Variants in FARS2 observed in about 807,000 individuals in gnomAD.
FARS2 encodes the protein phenylalanine--tRNA ligase, mitochondrial.
A neutral mutation model predicts 46.4 loss-of-function variants in FARS2; 40 were observed. The ratio of observed to expected loss-of-function variants is 0.86; its 90% CI spans 0.67 to 1.12. FARS2 has a LOEUF of 1.12. Among genes scored for constraint, FARS2 ranks in the 50% most tolerant of loss-of-function variants. FARS2 has a pLI of 0.00. For missense variants in FARS2, 513 were observed against 567.9 expected (o/e 0.90, Z 0.98); for synonymous variants, 234 against 214.9 (o/e 1.09, Z -0.78).
chr6:5,664,065 T>G (rs1196290553), intron 6 of FARS2, among the ~76,000 whole-genome samples: 5 of 152,234 alleles, frequency 3.3e-5, no homozygotes, highest in Non-Finnish European at 5.9e-5. Context: ...AGCTCTGCAG[T>G]GAAAGTGCAA....
intron 4 of FARS2, among the ~76,000 whole-genome samples, chr6:5,438,244 CCG>C (rs1395454615): frequency 4.5e-4 from 5 of 11,064 alleles, no homozygotes; most frequent in Non-Finnish European, 5.5e-4. Context: ...TACCCACCCC[CCG>C]CCCCCCCCCC....
intron 6 of FARS2, among the ~76,000 whole-genome samples, chr6:5,644,877 G>T (rs1283705697): frequency 6.6e-6 from 1 of 152,218 alleles, no homozygotes; most frequent in Non-Finnish European, 1.5e-5. Context: ...TAGAGCAGTT[G>T]TTCTCTGGAT....
intron 5 of FARS2, among the ~76,000 whole-genome samples, chr6:5,612,677 G>A (rs1176452426): frequency 6.6e-6 from 1 of 152,046 alleles, no homozygotes; most frequent in Non-Finnish European, 1.5e-5. Flanking sequence ...ATTCCCCAAG[G>A]AACTACTTAT....
chr6:5,292,155 A>G (rs913704676), intron 1 of FARS2, among the ~76,000 whole-genome samples: 1 of 152,190 alleles, frequency 6.6e-6, no homozygotes, highest in Non-Finnish European at 1.5e-5. Context: ...TGTATGACAC[A>G]TGTGTCTGTA....
At chr6:5,611,921 T>C (rs1775210464) in intron 5 of FARS2, among the ~76,000 whole-genome samples, 1 of 152,238 alleles carries the variant, frequency 6.6e-6, no homozygotes, top group African/African-American at 2.4e-5. Context: ...CTCAGTCTCT[T>C]ATCTCCCTAA....
chr6:5,431,291 G>T, intron 4 of FARS2, 119 bp downstream of exon 4: 1 of 1,007,048 alleles, frequency 9.9e-7, no homozygotes, highest in South Asian at 1.6e-5. Flanking sequence ...GGCATCACTG[G>T]TCTCTCTTCA....
Position 5,496,178 on chromosome 6 carries a change from A to G in FARS2, c.905-49002A>G, listed in dbSNP as rs536311057. ...GGGGGTGGAAGGAGGGTAATACTCC[A>G]TTGAGTACTCTGCTTTTGAATCCGT... On this transcript the variant is annotated intron_variant, in intron 4 of 6. Coordinates refer to ENST00000274680, the MANE Select transcript of FARS2 (RefSeq NM_006567.5). Among the ~76,000 whole-genome samples, 124 of 152,002 alleles carry G rather than the reference A, an allele frequency of 8.2e-4. 1 individual carries two copies. Among genetic ancestry groups the G allele is most frequent in the Admixed American group, 1.3e-3 (20 of 15,270 alleles).
At chr6:5,654,285 C>T (rs1254028252) in intron 6 of FARS2, among the ~76,000 whole-genome samples, 1 of 152,188 alleles carries the variant, frequency 6.6e-6, no homozygotes, top group Non-Finnish European at 1.5e-5. Context: ...TGGGTTTCCT[C>T]CTGGCAGACT....
intron 1 of FARS2, among the ~76,000 whole-genome samples, chr6:5,328,918 C>G (rs115742527): frequency 6.6e-6 from 1 of 152,116 alleles, no homozygotes; most frequent in African/African-American, 2.4e-5. Flanking sequence ...TTTTCATACT[C>G]CTTCCCCAGA....
chr6:5,710,816 A>G (rs1196534182), intron 6 of FARS2, among the ~76,000 whole-genome samples: 3 of 152,214 alleles, frequency 2.0e-5, no homozygotes, highest in Non-Finnish European at 4.4e-5. Flanking sequence ...AAAAAACTCC[A>G]GAAAGGACAG....
intron 5 of FARS2, among the ~76,000 whole-genome samples, chr6:5,577,763 C>A (rs1006589475): frequency 2.7e-5 from 4 of 149,898 alleles, no homozygotes; most frequent in African/African-American, 9.9e-5. Flanking sequence ...AATTGGATTG[C>A]CATTGTATCT....
chr6:5,475,643 C>G (rs960774744), intron 4 of FARS2, among the ~76,000 whole-genome samples: 1 of 152,224 alleles, frequency 6.6e-6, no homozygotes, highest in African/African-American at 2.4e-5. Flanking sequence ...ATAGACCCCT[C>G]TTTACTTCCC....
intron 4 of FARS2, among the ~76,000 whole-genome samples, chr6:5,540,474 C>A (rs973365348): frequency 3.9e-5 from 6 of 152,144 alleles, no homozygotes; most frequent in Non-Finnish European, 7.3e-5. Context: ...ATCGTGTAAA[C>A]TTTGCTTTTC....
At chr6:5,278,906 TCAGGAGG>T (rs1266597030) in intron 1 of FARS2, among the ~76,000 whole-genome samples, 3 of 152,224 alleles carry the variant, frequency 2.0e-5, no homozygotes, top group Non-Finnish European at 4.4e-5. Context: ...TCAGGCATCC[TCAGGAGG>T]CCTTGAGTGC....
At chr6:5,254,166 G>A in the FARS2 span, among the ~76,000 whole-genome samples, 1 of 152,156 alleles carries the variant, frequency 6.6e-6, no homozygotes, top group Non-Finnish European at 1.5e-5. Context: ...CAACAGAAAC[G>A]GCCCAACTGT....
intron 6 of FARS2, among the ~76,000 whole-genome samples, chr6:5,685,402 A>G (rs139581881): frequency 1.5e-3 from 230 of 152,172 alleles, no homozygotes; most frequent in Middle Eastern, 6.8e-3. Flanking sequence ...AGTCCTTCCA[A>G]CCCATCCTAA....
At chr6:5,449,188 C>T (rs1378361113) in intron 4 of FARS2, among the ~76,000 whole-genome samples, 1 of 151,520 alleles carries the variant, frequency 6.6e-6, no homozygotes, top group African/African-American at 2.4e-5. Context: ...ATCTTTACTA[C>T]AAATGCAAAA....
chr6:5,481,167 G>T (rs972031801), intron 4 of FARS2, among the ~76,000 whole-genome samples: 1 of 152,156 alleles, frequency 6.6e-6, no homozygotes, highest in Non-Finnish European at 1.5e-5. Context: ...GCATCTTCTC[G>T]TCTCGGTTCA....
At chr6:5,370,689 A>G (rs1351046745) in intron 2 of FARS2, among the ~76,000 whole-genome samples, 1 of 152,208 alleles carries the variant, frequency 6.6e-6, no homozygotes, top group Non-Finnish European at 1.5e-5. Flanking sequence ...AGGCACTTCT[A>G]GCATTTTAAT....
Sources: gnomAD v4.1 joint callset for allele counts (sites outside exome capture counted in the v4.1 genomes callset) on GRCh38, gnomAD v4.1.1 for gene constraint, MANE v1.5 for transcripts, NCBI Gene and HGNC (gene_info 2026-07-23, HGNC 2026-07-21) for gene names.